The following FCHO2 variants were observed in gnomAD, a reference collection of about 807,000 sequenced individuals.
The protein encoded by FCHO2 is F-BAR domain only protein 2.
A neutral mutation model predicts 114.1 loss-of-function variants in FCHO2; 43 were observed. The observed-to-expected ratio is 0.38, with a 90% CI of 0.30 to 0.49. The LOEUF (loss-of-function observed/expected upper bound fraction) is 0.49, where lower values mean the gene tolerates loss of function less well. Ranked by LOEUF, FCHO2 falls within the 20% of genes least tolerant of loss-of-function variation. FCHO2 has a pLI of 0.97. For synonymous variants in FCHO2, 293 were observed against 315.2 expected (o/e 0.93, Z 0.75); for missense variants, 807 against 950.4 (o/e 0.85, Z 1.98).
At chr5:72,977,066 A>G (rs962385568) in intron 2 of FCHO2, among the ~76,000 whole-genome samples, 18 of 152,236 alleles carry the variant, frequency 1.2e-4, no homozygotes, top group African/African-American at 3.9e-4. Context: ...TGCTATTGTG[A>G]ACAGTGCTGC....
rs887318960 is a variant in FCHO2, at chr5:73,089,944, T to C, written c.*1854T>C. The C allele has an allele frequency of 5.9e-5, 9 of 152,710 alleles. No individual in the cohort carries two copies. Among genetic ancestry groups the C allele is most frequent in the East Asian group, 3.9e-4 (2 of 5,182 alleles). 9.5% of individuals were successfully genotyped at this position (152,710 alleles called of 1,614,324 possible). ...GCTAAATTAGAATTTCTAACTCTTA[T>C]ATTGTGCTCTTTTAAATGCCAATTA... On this transcript the variant is annotated 3_prime_UTR_variant, in exon 26 of 26. Coordinates refer to ENST00000430046, the MANE Select transcript of FCHO2 (RefSeq NM_138782.3).
Position 73,063,890 on chromosome 5 carries a change from G to A in FCHO2, c.1395G>A (p.Arg465=), listed in dbSNP as rs1198602712. 1 of 1,612,068 alleles carries A rather than the reference G, an allele frequency of 6.2e-7. No individual in the cohort carries two copies. The change falls in exon 18 of 26, where the codon AGG becomes AGA. Residue 465 remains arginine, a synonymous_variant. Coordinates refer to ENST00000430046, the MANE Select transcript of FCHO2 (RefSeq NM_138782.3). ...TAGGCACCATTGTCCCACCTCCGAG[G>A]CCTGCTTCCAGACCAAAGCTTACTT... ...LSVGTIVPPP[R]PASRPKLTSG...
chr5:73,037,876 C>T lies in FCHO2; in HGVS notation c.914+661C>T, dbSNP rs146189983. On this transcript the variant is annotated intron_variant, in intron 10 of 25. Coordinates refer to ENST00000430046, the MANE Select transcript of FCHO2 (RefSeq NM_138782.3). ...GGTTCAAGCGATTCTCCTCCTACCT[C>T]AGCCTCCCAAGTAGCTGGAATTACG... 565 of 318,228 alleles carry T rather than the reference C, an allele frequency of 1.8e-3. 5 individuals carry two copies. Among genetic ancestry groups the T allele is most frequent in the African/African-American group, 0.012 (544 of 43,790 alleles). 19.7% of individuals were successfully genotyped at this position (318,228 alleles called of 1,614,324 possible).
Position 73,056,782 on chromosome 5 carries a change from T to C in FCHO2, c.1253+675T>C, listed in dbSNP as rs558045989. On this transcript the variant is annotated intron_variant, in intron 16 of 25. Transcript: ENST00000430046. ...TCCTTCAGTTTTGACTGTGACGTTA[T>C]AAAATAATATACTTCGTAAGCTTCA... Among the ~76,000 whole-genome samples, 11 of 152,110 alleles carry C rather than the reference T, an allele frequency of 7.2e-5. No individual in the cohort carries two copies. The South Asian group carries it at 2.3e-3, about 32-fold the overall frequency.
chr5:73,077,471 C>A lies in FCHO2; in HGVS notation c.1825C>A (p.Pro609Thr). 1 of 1,601,546 alleles carries A rather than the reference C, an allele frequency of 6.2e-7. No individual in the cohort carries two copies. The highest frequency in any genetic ancestry group is 8.5e-7 in the Non-Finnish European group (1 of 1,173,914). Reference protein sequence around the residue: ...KNISRLEQILPNAQLVFSDPS... With the variant: ...KNISRLEQILTNAQLVFSDPS... Reference sequence around the variant, plus strand: ...TATCAGCAGACTAGAGCAGATTCTTCCAAATGCACAGCTTGTGTTCAGGTT... The same window carrying A: ...TATCAGCAGACTAGAGCAGATTCTTACAAATGCACAGCTTGTGTTCAGGTT... Residue 609 changes from proline (P) to threonine (T), a missense_variant, in exon 21 of 26, where the codon CCA becomes ACA. By Grantham distance (38) the Pro-to-Thr change is conservative. Transcript: ENST00000430046.
chr5:73,053,559 G>A (rs1316888197), intron 13 of FCHO2, among the ~76,000 whole-genome samples: 1 of 152,166 alleles, frequency 6.6e-6, no homozygotes, highest in East Asian at 1.9e-4. Flanking sequence ...GCCGGTCGTG[G>A]TGGCATGCGC....
At chr5:72,998,952 T>G (rs1754279601) in intron 5 of FCHO2, among the ~76,000 whole-genome samples, 1 of 151,556 alleles carries the variant, frequency 6.6e-6, no homozygotes, top group Non-Finnish European at 1.5e-5. Flanking sequence ...TGCCTCAGCC[T>G]CTCGAATAGC....
intron 8 of FCHO2, among the ~76,000 whole-genome samples, chr5:73,020,065 A>G (rs768989382): frequency 6.6e-6 from 1 of 152,162 alleles, no homozygotes; most frequent in Non-Finnish European, 1.5e-5. Flanking sequence ...TTGGTTACCA[A>G]AAAGCTCCTG....
At chr5:73,057,190 T>C (rs1028709704) in intron 16 of FCHO2, among the ~76,000 whole-genome samples, 2 of 152,042 alleles carry the variant, frequency 1.3e-5, no homozygotes, top group Non-Finnish European at 2.9e-5. Context: ...CCTCTCAAAG[T>C]ACTGTGATTA....
At chr5:73,074,246 T>C (rs1032870230) in intron 19 of FCHO2, among the ~76,000 whole-genome samples, 1 of 151,620 alleles carries the variant, frequency 6.6e-6, no homozygotes, top group Non-Finnish European at 1.5e-5. Flanking sequence ...GGCAAAGTAA[T>C]GTGGGAATAC....
Position 73,054,969 on chromosome 5 carries a change from G to T in FCHO2, c.1210+420G>T, listed in dbSNP as rs114537459. ...AAATTATACTAAAAACTTTTCTAAG[G>T]TGCTAATACCTTTTGCAGAATCATG... On this transcript the variant is annotated intron_variant, in intron 15 of 25. Transcript: ENST00000430046. The T allele has an allele frequency of 8.4e-3, 1,804 of 215,450 alleles. 27 individuals carry two copies. Among genetic ancestry groups the T allele is most frequent in the Middle Eastern group, 0.033 (21 of 646 alleles). 13.3% of individuals were successfully genotyped at this position (215,450 alleles called of 1,614,324 possible).
chr5:73,027,774 A>G (rs536460128), intron 8 of FCHO2, among the ~76,000 whole-genome samples: 8 of 152,336 alleles, frequency 5.3e-5, no homozygotes, highest in East Asian at 1.9e-4. Context: ...GACACTTCCT[A>G]AAAATATATA....
intron 2 of FCHO2, among the ~76,000 whole-genome samples, chr5:72,982,912 C>T (rs1486677614): frequency 7.1e-6 from 1 of 141,208 alleles, no homozygotes; most frequent in African/African-American, 2.6e-5. Flanking sequence ...CATCGTATTG[C>T]ATTTGTTCCT....
At chr5:72,979,869 A>G (rs1753105015) in intron 2 of FCHO2, among the ~76,000 whole-genome samples, 1 of 151,772 alleles carries the variant, frequency 6.6e-6, no homozygotes, top group Non-Finnish European at 1.5e-5. Flanking sequence ...CGGTCTATCT[A>G]TTTTGTTGAT....
intron 6 of FCHO2, among the ~76,000 whole-genome samples, chr5:73,013,928 C>CTGGCCT (rs376447521): frequency 0.011 from 1,610 of 152,258 alleles, 21 homozygotes; most frequent in African/African-American, 0.037. Flanking sequence ...TCATGATCAG[C>CTGGCCT]TGGCCTCGGC....
At chr5:72,983,451 C>A (rs747351454) in intron 2 of FCHO2, among the ~76,000 whole-genome samples, 1 of 151,658 alleles carries the variant, frequency 6.6e-6, no homozygotes, top group African/African-American at 2.4e-5. Context: ...GCAGCCTCCA[C>A]GTCTTGGGCT....
At chr5:73,051,322 T>C (rs1757325759) in intron 11 of FCHO2, 27 bp from the exon 12 acceptor site, 1 of 1,454,666 alleles carries the variant, frequency 6.9e-7, no homozygotes, top group Non-Finnish European at 9.4e-7. Flanking sequence ...GAGTTGTCAT[T>C]ATAATTTTTT....
intron 2 of FCHO2, among the ~76,000 whole-genome samples, chr5:72,988,998 C>A (rs1304048577): frequency 2.6e-5 from 4 of 152,020 alleles, no homozygotes; most frequent in Non-Finnish European, 5.9e-5. Context: ...TGCTTGAGCC[C>A]TGGAATTCCA....
At chr5:72,981,545 A>T (rs780696508) in intron 2 of FCHO2, among the ~76,000 whole-genome samples, 11 of 152,190 alleles carry the variant, frequency 7.2e-5, no homozygotes, top group Non-Finnish European at 1.5e-4. Context: ...GTGTTTTCCA[A>T]CTTGGTTCCA....
Sources: allele counts gnomAD v4.1 joint callset (sites outside exome capture counted in the v4.1 genomes callset), GRCh38; gene constraint gnomAD v4.1.1; transcripts MANE v1.5; gene names NCBI Gene and HGNC (gene_info 2026-07-23, HGNC 2026-07-21).